Variants in GMDS observed in about 807,000 individuals in gnomAD.
GMDS encodes GDP-mannose 4,6-dehydratase, also known as GDP-mannose 4,6 dehydratase.
A neutral mutation model predicts 49.9 loss-of-function variants in GMDS; 20 were observed. The observed-to-expected ratio is 0.40, with a 90% confidence interval of 0.28 to 0.58. The LOEUF (loss-of-function observed/expected upper bound fraction) is 0.58, where lower values mean the gene tolerates loss of function less well. Ranked by LOEUF, GMDS falls within the 20% of genes least tolerant of loss-of-function variation. GMDS has a pLI of 0.42. For synonymous variants in GMDS, 177 were observed against 178.6 expected, an observed-to-expected ratio of 0.99 and a Z score of 0.07; for missense variants, 362 against 481.4, an observed-to-expected ratio of 0.75 and a Z score of 2.32.
At chr6:1,853,335 G>A (rs373827785) in intron 7 of GMDS, among the ~76,000 whole-genome samples, 2,847 of 149,116 alleles carry the variant, frequency 0.019, 93 homozygotes, top group African/African-American at 0.068. Context: ...TGGCTAAAAC[G>A]GTGAAACCCC....
At chr6:2,138,969 T>C (rs1776146399) in intron 1 of GMDS, among the ~76,000 whole-genome samples, 2 of 152,226 alleles carry the variant, frequency 1.3e-5, no homozygotes, top group African/African-American at 2.4e-5. Context: ...TCCGCAACAG[T>C]AGTATGCCTT....
chr6:1,872,490 C>T (rs1034056347), intron 7 of GMDS, among the ~76,000 whole-genome samples: 1 of 152,208 alleles, frequency 6.6e-6, no homozygotes, highest in South Asian at 2.1e-4. Flanking sequence ...AGAACTAACT[C>T]TTTTTGCAGG....
chr6:1,671,757 C>CA (rs557149940), intron 9 of GMDS, among the ~76,000 whole-genome samples: 2 of 150,828 alleles, frequency 1.3e-5, no homozygotes, highest in Non-Finnish European at 3.0e-5. Flanking sequence ...CTCTGCCCCC[C>CA]GGGTTCAACT....
At chr6:2,023,041 C>T (rs1418791749) in intron 4 of GMDS, among the ~76,000 whole-genome samples, 2 of 152,070 alleles carry the variant, frequency 1.3e-5, no homozygotes, top group Non-Finnish European at 1.5e-5. Flanking sequence ...ATAATGTCAG[C>T]TAATACTGAC....
intron 1 of GMDS, among the ~76,000 whole-genome samples, chr6:2,212,491 C>G (rs1213313047): frequency 6.6e-6 from 1 of 152,092 alleles, no homozygotes; most frequent in African/African-American, 2.4e-5. Flanking sequence ...GATAATAATA[C>G]AAGTTATAGG....
In GMDS at chr6:1,834,931, T is replaced by C. The variant is rs576606784; in HGVS notation, c.772-92345A>G. The stretch of plus-strand genomic sequence containing the variant: ...CTATTCTTGTTTTTTCAACTTAATG[T>C]CTCTGAGGGCATTTCAGTTTCACGG... On this transcript the variant is annotated intron_variant, in intron 7 of 10. Transcript: ENST00000380815. Among the ~76,000 whole-genome samples, 14 of 152,358 alleles carry C rather than the reference T, an allele frequency of 9.2e-5. No individual in the cohort carries two copies. The South Asian group carries it at 2.9e-3, about 32-fold the overall frequency.
intron 4 of GMDS, among the ~76,000 whole-genome samples, chr6:2,067,237 C>A (rs1375140749): frequency 7.2e-5 from 11 of 152,166 alleles, no homozygotes; most frequent in African/African-American, 2.7e-4. Context: ...ACACAACATA[C>A]CAGAATCTCT....
intron 7 of GMDS, among the ~76,000 whole-genome samples, chr6:1,851,377 G>A (rs923614518): frequency 6.6e-6 from 1 of 152,104 alleles, no homozygotes; most frequent in Non-Finnish European, 1.5e-5. Context: ...TTAGGTATTT[G>A]CTGATATCAT....
chr6:1,767,225 A>G (rs17134274), intron 7 of GMDS, among the ~76,000 whole-genome samples: 29,155 of 151,970 alleles, frequency 0.19, 3,800 homozygotes, highest in African/African-American at 0.37. Flanking sequence ...CATTAAACGC[A>G]TAAAAGAAAA....
chr6:2,051,261 T>A (rs1281136065), intron 4 of GMDS, among the ~76,000 whole-genome samples: 5 of 152,206 alleles, frequency 3.3e-5, no homozygotes, highest in African/African-American at 9.6e-5. Context: ...GCTTCAGGTC[T>A]CCTGTAAGAA....
At chr6:2,245,166 C>G (rs1781805268) in intron 1 of GMDS, among the ~76,000 whole-genome samples, 155 bp downstream of exon 1, 1 of 152,256 alleles carries the variant, frequency 6.6e-6, no homozygotes, top group African/African-American at 2.4e-5. Flanking sequence ...ACACTAACTG[C>G]ACCGTACCTT....
At chr6:1,961,318 G>C (rs553997048) in intron 4 of GMDS, among the ~76,000 whole-genome samples, 1 of 152,112 alleles carries the variant, frequency 6.6e-6, no homozygotes, top group African/African-American at 2.4e-5. Context: ...ATCTCTTTGG[G>C]GGGTAGGGAC....
At chr6:1,758,849 T>A (rs769769635) in intron 7 of GMDS, among the ~76,000 whole-genome samples, 1 of 152,196 alleles carries the variant, frequency 6.6e-6, no homozygotes, top group Non-Finnish European at 1.5e-5. Context: ...GGCAGGTGGA[T>A]CACCCGAGGT....
chr6:1,888,586 A>G (rs980500199), intron 7 of GMDS, among the ~76,000 whole-genome samples: 1 of 152,158 alleles, frequency 6.6e-6, no homozygotes, highest in African/African-American at 2.4e-5. Flanking sequence ...TAACCATATC[A>G]TTCTGCCCCT....
intron 7 of GMDS, among the ~76,000 whole-genome samples, chr6:1,782,459 T>C (rs1769138099): frequency 6.6e-6 from 1 of 152,242 alleles, no homozygotes. Context: ...CTTTTAATAA[T>C]ATCTTTCCAG....
chr6:2,179,728 T>C (rs931613620), intron 1 of GMDS, among the ~76,000 whole-genome samples: 2 of 152,202 alleles, frequency 1.3e-5, no homozygotes, highest in African/African-American at 4.8e-5. Flanking sequence ...ACTGCCAAAG[T>C]ATGTAAAATC....
chr6:1,891,703 T>A (rs1240875442), intron 7 of GMDS, among the ~76,000 whole-genome samples: 1 of 152,166 alleles, frequency 6.6e-6, no homozygotes, highest in Non-Finnish European at 1.5e-5. Flanking sequence ...AGGGAACTTG[T>A]TAAAAATGCA....
chr6:2,004,646 AC>A (rs2127386494), intron 4 of GMDS, among the ~76,000 whole-genome samples: 1 of 152,230 alleles, frequency 6.6e-6, no homozygotes, highest in East Asian at 1.9e-4. Flanking sequence ...CTGAACTATC[AC>A]TGAACTTAGC....
chr6:2,102,661 C>A (rs1773991963), intron 4 of GMDS, among the ~76,000 whole-genome samples: 2 of 152,146 alleles, frequency 1.3e-5, no homozygotes, highest in South Asian at 2.1e-4. Context: ...CAGTCACCTG[C>A]AAAACATATT....
Sources: allele counts gnomAD v4.1 joint callset (sites outside exome capture counted in the v4.1 genomes callset), GRCh38; gene constraint gnomAD v4.1.1; transcripts MANE v1.5; gene names NCBI Gene and HGNC (gene_info 2026-07-23, HGNC 2026-07-21).